The following STX8 variants were observed in gnomAD, a reference collection of about 807,000 sequenced individuals.
The protein encoded by STX8 is syntaxin-8.
A neutral mutation model predicts 37.5 loss-of-function variants in STX8; 23 were observed. The ratio of observed to expected loss-of-function variants is 0.61; its 90% CI spans 0.44 to 0.87. The LOEUF (loss-of-function observed/expected upper bound fraction) is 0.87. STX8 is among the 40% of genes least tolerant of loss of function. The pLI is 0.00. For synonymous variants in STX8, 115 were observed against 99.1 expected (o/e 1.16, Z -0.95); for missense variants, 313 against 284.7 (o/e 1.10, Z -0.71).
intron 7 of STX8, among the ~76,000 whole-genome samples, chr17:9,344,506 T>A (rs1333096778): frequency 6.6e-6 from 1 of 151,946 alleles, no homozygotes; most frequent in African/African-American, 2.4e-5. Flanking sequence ...GGTGATCTGC[T>A]CACCTCAGCC....
At chr17:9,338,026 G>T (rs1246306018) in intron 7 of STX8, among the ~76,000 whole-genome samples, 1 of 151,760 alleles carries the variant, frequency 6.6e-6, no homozygotes, top group Non-Finnish European at 1.5e-5. Context: ...TTATTCTGAG[G>T]GCTTTGGGGC....
At chr17:9,541,265 G>A (rs904687683) in intron 4 of STX8, among the ~76,000 whole-genome samples, 3 of 152,130 alleles carry the variant, frequency 2.0e-5, no homozygotes, top group East Asian at 1.9e-4. Flanking sequence ...AGCTGGGCAC[G>A]GAGGGAAGCA....
intron 3 of STX8, chr17:9,548,581 A>G (rs1455909465): frequency 6.6e-6 from 1 of 152,228 alleles, no homozygotes; most frequent in Non-Finnish European, 1.5e-5. Context: ...TAATAGCCAC[A>G]TTGGAAATAT....
chr17:9,563,152 C>CATTTATTTATTTATTT (rs55853449), intron 2 of STX8, among the ~76,000 whole-genome samples: 37 of 142,082 alleles, frequency 2.6e-4, no homozygotes, highest in East Asian at 6.2e-4. Context: ...TTCATTCATC[C>CATTTATTTATTTATTT]ATTTATTTAT....
intron 4 of STX8, among the ~76,000 whole-genome samples, chr17:9,520,711 T>C (rs1453223475): frequency 6.6e-6 from 1 of 152,218 alleles, no homozygotes; most frequent in African/African-American, 2.4e-5. Context: ...AGACAATCCA[T>C]GTCTTTCTAC....
At chr17:9,432,838 C>T (rs1199979076) in intron 6 of STX8, among the ~76,000 whole-genome samples, 1 of 152,166 alleles carries the variant, frequency 6.6e-6, no homozygotes, top group African/African-American at 2.4e-5. Flanking sequence ...AATTAGGCTA[C>T]TTTGATTGTT....
chr17:9,536,412 C>G (rs1371800553), intron 4 of STX8, among the ~76,000 whole-genome samples: 1 of 152,162 alleles, frequency 6.6e-6, no homozygotes, highest in Non-Finnish European at 1.5e-5. Context: ...TTGCAACTTA[C>G]TTCACGGGAT....
intron 7 of STX8, among the ~76,000 whole-genome samples, chr17:9,329,567 G>A (rs1262468485): frequency 2.0e-5 from 3 of 152,238 alleles, no homozygotes; most frequent in Admixed American, 1.3e-4. Context: ...AGCCCACAAT[G>A]TAGCCCACCC....
chr17:9,255,050 A>G (rs1906736861), intron 7 of STX8, among the ~76,000 whole-genome samples: 2 of 152,188 alleles, frequency 1.3e-5, no homozygotes. Context: ...AGATAGAAGA[A>G]TGCTCTTCCA....
At chr17:9,360,641 GA>G (rs1055338397) in intron 7 of STX8, among the ~76,000 whole-genome samples, 26 of 75,976 alleles carry the variant, frequency 3.4e-4, no homozygotes, top group Non-Finnish European at 6.6e-4. Flanking sequence ...CTGTCTGCAA[GA>G]AAAAAAATAT....
At chr17:9,501,574 C>T (rs1904609768) in intron 5 of STX8, among the ~76,000 whole-genome samples, 2 of 151,998 alleles carry the variant, frequency 1.3e-5, no homozygotes, top group African/African-American at 4.8e-5. Flanking sequence ...GCCTGTAATC[C>T]CAGCTACTCA....
chr17:9,354,318 CTTTT>C (rs35460018), intron 7 of STX8, among the ~76,000 whole-genome samples: 5 of 119,752 alleles, frequency 4.2e-5, no homozygotes, highest in Non-Finnish European at 6.9e-5. Context: ...AATTGTCTCA[CTTTT>C]TTTTTTTTTT....
At chr17:9,337,481 C>T (rs368479447) in intron 7 of STX8, among the ~76,000 whole-genome samples, 14 of 152,210 alleles carry the variant, frequency 9.2e-5, no homozygotes, top group South Asian at 2.1e-4. Flanking sequence ...TGGGTTCAAG[C>T]GATTATCTTG....
chr17:9,362,672 G>A (rs57174175), intron 7 of STX8, among the ~76,000 whole-genome samples: 28,691 of 151,244 alleles, frequency 0.19, 2,872 homozygotes, highest in Non-Finnish European at 0.22. Context: ...ACACAAAAAA[G>A]TTAGCCAGGC....
intron 6 of STX8, among the ~76,000 whole-genome samples, chr17:9,420,884 G>A (rs139443708): frequency 2.1e-3 from 317 of 152,278 alleles, no homozygotes; most frequent in African/African-American, 7.3e-3. Context: ...CATTTTCATA[G>A]GCAACATTTA....
intron 7 of STX8, among the ~76,000 whole-genome samples, chr17:9,374,346 T>C (rs1911514395): frequency 6.6e-6 from 1 of 152,198 alleles, no homozygotes; most frequent in Non-Finnish European, 1.5e-5. Flanking sequence ...CCTTCCAAAG[T>C]GCTGGGATTA....
At chr17:9,471,120 C>T (rs1388458713) in intron 6 of STX8, among the ~76,000 whole-genome samples, 1 of 135,054 alleles carries the variant, frequency 7.4e-6, no homozygotes, top group African/African-American at 2.8e-5. Flanking sequence ...CTGCAACCTC[C>T]GCCTCCCGGG....
intron 6 of STX8, among the ~76,000 whole-genome samples, chr17:9,404,081 A>AATTT (rs1231059750): frequency 6.6e-6 from 1 of 152,194 alleles, no homozygotes; most frequent in African/African-American, 2.4e-5. Context: ...TCTTACAATA[A>AATTT]AGTAAGCTAG....
At chr17:9,446,652 G>A (rs1904862396) in intron 6 of STX8, among the ~76,000 whole-genome samples, 1 of 152,178 alleles carries the variant, frequency 6.6e-6, no homozygotes, top group South Asian at 2.1e-4. Flanking sequence ...TTTTTTGGCA[G>A]TAGTACAAAG....
Sources: gnomAD v4.1 joint callset for allele counts (sites outside exome capture counted in the v4.1 genomes callset) on GRCh38, gnomAD v4.1.1 for gene constraint, MANE v1.5 for transcripts, NCBI Gene and HGNC (gene_info 2026-07-23, HGNC 2026-07-21) for gene names.